The following FANCC variants were observed in gnomAD, a reference collection of about 807,000 sequenced individuals.
FANCC encodes the protein Fanconi anemia group C protein.
Under a neutral mutation model 71.3 loss-of-function variants are expected in FANCC, and 55 were observed. That is an observed-to-expected ratio of 0.77 (90% CI 0.62 to 0.97). The LOEUF is 0.97. Ranked by LOEUF, FANCC falls within the 50% of genes least tolerant of loss-of-function variation. FANCC has a pLI of 0.00. For missense variants in FANCC, 678 were observed against 670.9 expected, an observed-to-expected ratio of 1.01 and a Z score of -0.12; for synonymous variants, 275 against 244.9, an observed-to-expected ratio of 1.12 and a Z score of -1.15.
intron 6 of FANCC, among the ~76,000 whole-genome samples, chr9:95,152,299 G>C (rs1830220381): frequency 6.6e-6 from 1 of 152,218 alleles, no homozygotes; most frequent in Admixed American, 6.5e-5. Flanking sequence ...TATAATGCCA[G>C]ATGATACTGA....
At chr9:95,194,667 T>C (rs1827309495) in intron 4 of FANCC, among the ~76,000 whole-genome samples, 1 of 152,190 alleles carries the variant, frequency 6.6e-6, no homozygotes, top group South Asian at 2.1e-4. Flanking sequence ...ATTTCACCTT[T>C]TCGTGAAATA....
At chr9:95,200,596 C>T (rs1827746260) in intron 4 of FANCC, among the ~76,000 whole-genome samples, 1 of 152,102 alleles carries the variant, frequency 6.6e-6, no homozygotes, top group African/African-American at 2.4e-5. Flanking sequence ...CAGGCAAATG[C>T]CTTACATTTC....
At position 95,100,409 on chromosome 9, in the gene FANCC, C is replaced by T. The variant is rs1175615938; in HGVS notation, c.*1298G>A. 1 of 231,310 alleles carries T rather than the reference C, an allele frequency of 4.3e-6. No individual in the cohort carries two copies. The highest frequency in any genetic ancestry group is 8.6e-6 in the Non-Finnish European group (1 of 116,900). 14.3% of individuals were successfully genotyped at this position (231,310 alleles called of 1,614,324 possible). On this transcript the variant is annotated 3_prime_UTR_variant, in exon 15 of 15. Transcript: ENST00000289081. Reference sequence around the variant, plus strand: ...CCACATACCAAAATAAGGAATTTCCCTAAAGGTTAACTTCTAATCCAGCAA... The same window carrying T: ...CCACATACCAAAATAAGGAATTTCCTTAAAGGTTAACTTCTAATCCAGCAA...
chr9:95,289,607 C>A (rs1279792320), intron 1 of FANCC, among the ~76,000 whole-genome samples: 1 of 152,134 alleles, frequency 6.6e-6, no homozygotes, highest in Non-Finnish European at 1.5e-5. Flanking sequence ...ATTGTTCATT[C>A]AAATTTTTAA....
chr9:95,305,417 G>A (rs757206205), intron 1 of FANCC, among the ~76,000 whole-genome samples: 19 of 152,180 alleles, frequency 1.2e-4, no homozygotes, highest in Non-Finnish European at 2.1e-4. Context: ...GACTGGTACA[G>A]GTTTTGAATG....
intron 4 of FANCC, among the ~76,000 whole-genome samples, chr9:95,174,564 T>C (rs924645777): frequency 5.3e-5 from 8 of 151,988 alleles, no homozygotes; most frequent in Non-Finnish European, 1.2e-4. Flanking sequence ...TTCTTTCTAC[T>C]TAAGTACAAT....
chr9:95,250,017 TACTG>T (rs1252612610), intron 1 of FANCC, among the ~76,000 whole-genome samples: 2 of 152,216 alleles, frequency 1.3e-5, no homozygotes, highest in Admixed American at 6.5e-5. Context: ...AAATTCCACT[TACTG>T]AGGAGGTATA....
intron 1 of FANCC, chr9:95,294,782 C>T (rs1242337015): frequency 3.8e-6 from 6 of 1,567,974 alleles, no homozygotes; most frequent in Middle Eastern, 1.7e-4. Flanking sequence ...CAGACTTCTG[C>T]GGAACCACAC....
At chr9:95,166,392 T>C (rs780591856) in intron 6 of FANCC, among the ~76,000 whole-genome samples, 11 of 152,106 alleles carry the variant, frequency 7.2e-5, no homozygotes, top group Non-Finnish European at 1.3e-4. Context: ...CCTACAGGTA[T>C]TTTCTTGTTG....
intron 10 of FANCC, among the ~76,000 whole-genome samples, chr9:95,122,257 T>G (rs945442267): frequency 3.9e-5 from 6 of 152,124 alleles, no homozygotes; most frequent in African/African-American, 1.4e-4. Flanking sequence ...TTACAGATAC[T>G]CATTTTATTA....
Position 95,103,556 on chromosome 9 carries a change from T to C in FANCC, c.1534-1706A>G, listed in dbSNP as rs2071217305. 2.0e-5 allele frequency among the ~76,000 whole-genome samples: 3 copies of C among 152,278 alleles called. No individual in the cohort carries two copies. In the South Asian group the frequency reaches 6.2e-4, roughly 32 times the overall value. ...AGTCCTCTGCTCTGTGCCGGCCTCC[T>C]GCAGGCACAAGTGAGGGAGCAAGTG... On this transcript the variant is annotated intron_variant, in intron 14 of 14. Coordinates refer to ENST00000289081, the MANE Select transcript of FANCC (RefSeq NM_000136.3).
At chr9:95,167,614 ATTCAC>A (rs1284925697) in intron 6 of FANCC, among the ~76,000 whole-genome samples, 1 of 152,026 alleles carries the variant, frequency 6.6e-6, no homozygotes, top group Non-Finnish European at 1.5e-5. Flanking sequence ...AAGTTTTTCA[ATTCAC>A]TTATTGTGGT....
At chr9:95,144,430 G>A (rs1173126862) in intron 7 of FANCC, among the ~76,000 whole-genome samples, 3 of 152,238 alleles carry the variant, frequency 2.0e-5, no homozygotes, top group Non-Finnish European at 4.4e-5. Context: ...TTACAAGCAA[G>A]GGAGTGTGGG....
At chr9:95,197,962 G>A (rs1208299981) in intron 4 of FANCC, among the ~76,000 whole-genome samples, 1 of 152,202 alleles carries the variant, frequency 6.6e-6, no homozygotes, top group Admixed American at 6.5e-5. Context: ...AATTCCAGGA[G>A]TCCCTAGAGA....
intron 4 of FANCC, 91 bp from the exon 5 acceptor site, chr9:95,172,238 G>A: frequency 1.3e-6 from 1 of 781,722 alleles, no homozygotes; most frequent in Non-Finnish European, 2.1e-6. Flanking sequence ...TGTACATGGG[G>A]GTGGTCTCTA....
chr9:95,311,454 C>T (rs1446095041), intron 1 of FANCC, among the ~76,000 whole-genome samples: 1 of 152,106 alleles, frequency 6.6e-6, no homozygotes, highest in Non-Finnish European at 1.5e-5. Flanking sequence ...ATGGCACCTC[C>T]AAAATCTTAT....
At chr9:95,294,378 T>C in intron 1 of FANCC, 3 of 1,594,676 alleles carry the variant, frequency 1.9e-6, no homozygotes, top group Non-Finnish European at 1.7e-6. Context: ...TACTCGCAGA[T>C]ACCTCTGCTC....
intron 3 of FANCC, among the ~76,000 whole-genome samples, chr9:95,243,662 C>A (rs912618664): frequency 6.6e-6 from 1 of 151,432 alleles, no homozygotes; most frequent in Non-Finnish European, 1.5e-5. Context: ...GGCGTGGTAG[C>A]GGGCGCCTGT....
At chr9:95,277,744 C>T (rs1463442941) in intron 1 of FANCC, among the ~76,000 whole-genome samples, 3 of 151,960 alleles carry the variant, frequency 2.0e-5, no homozygotes, top group African/African-American at 7.3e-5. Context: ...AACAAAAGAT[C>T]CCAGAAAAAC....
Sources: gnomAD v4.1 joint callset for allele counts (sites outside exome capture counted in the v4.1 genomes callset) on GRCh38, gnomAD v4.1.1 for gene constraint, MANE v1.5 for transcripts, NCBI Gene and HGNC (gene_info 2026-07-23, HGNC 2026-07-21) for gene names.